The following APCDD1 variants were observed in gnomAD, a reference collection of about 807,000 sequenced individuals.
The protein encoded by APCDD1 is APC down-regulated 1.
In APCDD1, 15 loss-of-function variants were observed where a neutral mutation model predicts 38.1. The ratio of observed to expected loss-of-function variants is 0.39; its 90% CI spans 0.26 to 0.61. The LOEUF is 0.61. Ranked by LOEUF, APCDD1 falls within the 20% of genes least tolerant of loss-of-function variation. The pLI, the probability that APCDD1 is intolerant of heterozygous loss-of-function variation, is 0.49. For synonymous variants in APCDD1, 261 were observed against 279.7 expected (o/e 0.93, Z 0.67); for missense variants, 647 against 696.2 (o/e 0.93, Z 0.79).
In APCDD1 at chr18:10,454,776, C is replaced by A. The variant is rs1191104711; in HGVS notation, c.-206C>A. ...GGCCGGGACGCGGACCGGGCCGGGG[C>A]GCCCACAGCCGCCCGACGGCGCCCA... On this transcript the variant is annotated 5_prime_UTR_variant, in exon 1 of 5. Transcript: ENST00000355285. 4 of 980,100 alleles carry A rather than the reference C, an allele frequency of 4.1e-6. No homozygotes were observed. The highest frequency in any genetic ancestry group is 3.5e-5 in the African/African-American group (2 of 56,618). The allele number at this position is 980,100 out of a possible 1,614,324, so 60.7% of individuals were successfully genotyped here.
In APCDD1 at chr18:10,487,684, G is replaced by A. The variant is rs765354197; in HGVS notation, c.1191G>A (p.Gln397=). 3 of 1,614,082 alleles carry A rather than the reference G, an allele frequency of 1.9e-6. No homozygotes were observed. In the Admixed American group the frequency reaches 5.0e-5, roughly 27 times the overall value. Residue 397 remains glutamine, a synonymous_variant, in exon 5 of 5, where the codon CAG becomes CAA. Transcript: ENST00000355285. The part of the protein sequence containing the change: ...GNECGAEGSW[Q]VGIQQDVTHT... ...AGTGCGGGGCCGAGGGCTCCTGGCA[G>A]GTGGGCATCCAGCAGGATGTGACCC...
rs1328527446 is a variant in APCDD1 at position 10,470,560 on chromosome 18, G to A, written c.243-970G>A. On this transcript the variant is annotated intron_variant, in intron 2 of 4. Transcript: ENST00000355285. The surrounding 1 kb of genome is among the most constrained non-coding windows in gnomAD (Gnocchi z 4.1). ...TGACTGCTTGATTTAGCAGCGCTTCGTCAGTTCAAACCAGAATCTGTGTTA... is the reference window on the plus strand; with the variant it reads ...TGACTGCTTGATTTAGCAGCGCTTCATCAGTTCAAACCAGAATCTGTGTTA... 2.0e-5 allele frequency among the ~76,000 whole-genome samples: 3 copies of A among 152,136 alleles called. No homozygotes were observed. The highest frequency in any genetic ancestry group is 3.9e-4 in the East Asian group (2 of 5,190).
chr18:10,459,223 G>A (rs1300859669), intron 1 of APCDD1, among the ~76,000 whole-genome samples: 2 of 152,278 alleles, frequency 1.3e-5, no homozygotes, highest in East Asian at 3.9e-4. Flanking sequence ...GGTGAGAGAA[G>A]GGAAGAAATA....
In APCDD1 at chr18:10,458,149, G is replaced by A. The variant is rs1028212872; in HGVS notation, c.58+3110G>A. 3.3e-5 allele frequency among the ~76,000 whole-genome samples: 5 copies of A among 152,284 alleles called. No homozygotes were observed. In the South Asian group the frequency reaches 6.2e-4, roughly 19 times the overall value. ...CCAGAATAAGTGTGACTGTAATGCC[G>A]CAGTGGAGTGCCTGATTCTCTTTGC... On this transcript the variant is annotated intron_variant, in intron 1 of 4. Coordinates refer to ENST00000355285, the MANE Select transcript of APCDD1 (RefSeq NM_153000.5).
chr18:10,454,867 A>T lies in APCDD1; in HGVS notation c.-115A>T, dbSNP rs1457717193. Reference sequence around the variant, plus strand: ...CATGGGGCGCGCGGCAGCCGCCTGAAGCCCCGGCCTGGCCCGGCCGCACCC... The same window carrying T: ...CATGGGGCGCGCGGCAGCCGCCTGATGCCCCGGCCTGGCCCGGCCGCACCC... On this transcript the variant is annotated 5_prime_UTR_variant, in exon 1 of 5. In the 5' UTR this introduces an upstream ATG that the reference lacks. Transcript: ENST00000355285. The T allele has an allele frequency of 2.6e-6, 3 of 1,147,504 alleles. No individual in the cohort carries two copies. Among genetic ancestry groups the T allele is most frequent in the African/African-American group, 3.3e-5 (2 of 60,464 alleles). 71.1% of individuals were successfully genotyped at this position (1,147,504 alleles called of 1,614,324 possible).
intron 1 of APCDD1, among the ~76,000 whole-genome samples, chr18:10,462,086 C>A (rs1009975821): frequency 1.3e-5 from 2 of 152,172 alleles, no homozygotes; most frequent in African/African-American, 4.8e-5. Context: ...ACTTGGCATA[C>A]AATGGCAGAA....
At position 10,488,303 on chromosome 18, in the gene APCDD1, A is replaced by G. The variant is rs510337; in HGVS notation, c.*265A>G. 0.011 allele frequency: 5,231 copies of G among 470,676 alleles called. 175 individuals are homozygous for G. The highest frequency in any genetic ancestry group is 0.079 in the African/African-American group (3,995 of 50,774). The allele number at this position is 470,676 out of a possible 1,614,324, so 29.2% of individuals were successfully genotyped here. On this transcript the variant is annotated 3_prime_UTR_variant, in exon 5 of 5. Coordinates refer to ENST00000355285, the MANE Select transcript of APCDD1 (RefSeq NM_153000.5). The stretch of plus-strand genomic sequence containing the variant: ...ACTTTAAGACAGCCTAGAGTTCTGG[A>G]CGAGCGTGTTTGGTAGCAGGGATGA...
chr18:10,457,173 G>C (rs56124004), intron 1 of APCDD1, among the ~76,000 whole-genome samples: 1 of 151,964 alleles, frequency 6.6e-6, no homozygotes, highest in Non-Finnish European at 1.5e-5. Context: ...AATAAACAGA[G>C]GAAATCATTG....
At chr18:10,464,544 T>A (rs1256211657) in intron 1 of APCDD1, among the ~76,000 whole-genome samples, 2 of 152,238 alleles carry the variant, frequency 1.3e-5, no homozygotes, top group Non-Finnish European at 2.9e-5. Flanking sequence ...CGCCTCAGCC[T>A]CCTGAGTAGC....
rs559308 is a variant in APCDD1 at position 10,475,557 on chromosome 18, T to C, written c.774+3496T>C. Among the ~76,000 whole-genome samples the C allele has an allele frequency of 0.56, 84,701 of 151,684 alleles. 25,357 individuals are homozygous for C. Among genetic ancestry groups the C allele is most frequent in the African/African-American group, 0.79 (32,666 of 41,452 alleles). ...GACTGCCTCAGAGGAAGTGACAGAG[T>C]TGTCTATCTGGGATTGTCGGACAGA... On this transcript the variant is annotated intron_variant, in intron 3 of 4. Coordinates refer to ENST00000355285, the MANE Select transcript of APCDD1 (RefSeq NM_153000.5). This position sits in a 1 kb window ranked among gnomAD's most constrained non-coding sequence, Gnocchi z 4.0.
At chr18:10,483,317 C>T (rs1175765613) in intron 3 of APCDD1, among the ~76,000 whole-genome samples, 1 of 152,218 alleles carries the variant, frequency 6.6e-6, no homozygotes, top group African/African-American at 2.4e-5. Context: ...CTCCGTGTGC[C>T]CCTAAGCCCT....
chr18:10,480,894 C>CA (rs1220633283), intron 3 of APCDD1, among the ~76,000 whole-genome samples: 1 of 111,132 alleles, frequency 9.0e-6, no homozygotes, highest in Non-Finnish European at 1.9e-5. Context: ...GACCCTGTCT[C>CA]AAAAAAAGAA....
rs937599530 is a variant in APCDD1, at chr18:10,468,629, C to T, written c.219C>T (p.Ile73=). ...TCACAGTGCAGATGCCACCTACAAT[C>T]GAGGGCCACTGGGTCTCCACAGGGT... The part of the protein sequence containing the change: ...ARITVQMPPT[I]EGHWVSTGCE... Residue 73 remains isoleucine (I), a synonymous_variant, in exon 2 of 5, where the codon ATC becomes ATT. Coordinates refer to ENST00000355285, the MANE Select transcript of APCDD1 (RefSeq NM_153000.5). 2.5e-6 allele frequency: 4 copies of T among 1,613,620 alleles called. No individual in the cohort carries two copies. Among genetic ancestry groups the T allele is most frequent in the East Asian group, 2.2e-5 (1 of 44,900 alleles).
chr18:10,463,554 G>A (rs1188132245), intron 1 of APCDD1, among the ~76,000 whole-genome samples: 3 of 152,264 alleles, frequency 2.0e-5, no homozygotes, highest in African/African-American at 7.2e-5. Flanking sequence ...TTTATGCTTG[G>A]CCTCTGCTGC....
At position 10,469,246 on chromosome 18, in the gene APCDD1, A is replaced by T. The variant is rs1009813977; in HGVS notation, c.242+594A>T. On this transcript the variant is annotated intron_variant, in intron 2 of 4. Transcript: ENST00000355285. The surrounding 1 kb of genome is among the most constrained non-coding windows in gnomAD (Gnocchi z 5.5). ...TTTTTCTACCCATTAGATTGCTGAG[A>T]ATTAACAAGACTAACTCTGGGATCT... is the stretch of plus-strand genomic sequence containing the variant. 2.6e-5 allele frequency among the ~76,000 whole-genome samples: 4 copies of T among 152,268 alleles called. No homozygotes were observed. In the East Asian group the frequency reaches 7.7e-4, roughly 29 times the overall value.
At chr18:10,478,480 A>G (rs2143550365) in intron 3 of APCDD1, among the ~76,000 whole-genome samples, 1 of 152,324 alleles carries the variant, frequency 6.6e-6, no homozygotes, top group African/African-American at 2.4e-5. Context: ...GCCAAGATCA[A>G]GGCACCAGCA....
chr18:10,466,405 G>C (rs2030715388), intron 1 of APCDD1, among the ~76,000 whole-genome samples: 1 of 147,688 alleles, frequency 6.8e-6, no homozygotes, highest in African/African-American at 2.5e-5. Context: ...CAGTGTAGAT[G>C]GGTGCCCATG....
chr18:10,486,088 A>G (rs957344108), intron 4 of APCDD1, among the ~76,000 whole-genome samples: 3 of 152,222 alleles, frequency 2.0e-5, no homozygotes, highest in African/African-American at 7.2e-5. Flanking sequence ...GCGGAGGCTC[A>G]TGCCTGTAAT....
intron 1 of APCDD1, among the ~76,000 whole-genome samples, chr18:10,455,243 C>T (rs1161807050): frequency 1.3e-5 from 2 of 152,168 alleles, no homozygotes; most frequent in African/African-American, 2.4e-5. Context: ...GACCGCTCTC[C>T]CCCAGGGCGC....
Sources: gnomAD v4.1 joint callset for allele counts (sites outside exome capture counted in the v4.1 genomes callset) on GRCh38, gnomAD v4.1.1 for gene constraint, Gnocchi (gnomAD v3.1) non-coding constraint, MANE v1.5 for transcripts, NCBI Gene and HGNC (gene_info 2026-07-23, HGNC 2026-07-21) for gene names.